The following NME7 variants were observed in gnomAD, a reference collection of about 807,000 sequenced individuals.
The protein encoded by NME7 is NME/NM23 family member 7.
NME7 carries 41 observed loss-of-function variants against 49.1 expected under a neutral mutation model. The ratio of observed to expected loss-of-function variants is 0.83; its 90% confidence interval spans 0.65 to 1.08. The LOEUF is 1.08. Ranked by LOEUF, NME7 falls within the 50% of genes least tolerant of loss-of-function variation. NME7 has a pLI of 0.00. For synonymous variants in NME7, 139 were observed against 150.6 expected (o/e 0.92, Z 0.56); for missense variants, 423 against 463.4 (o/e 0.91, Z 0.80).
intron 9 of NME7, among the ~76,000 whole-genome samples, chr1:169,232,912 CTTTTTTTTTTTTTT>C (rs10545228): frequency 2.7e-5 from 2 of 74,536 alleles, no homozygotes; most frequent in South Asian, 5.7e-4. Flanking sequence ...GTTTTCTTTT[CTTTTTTTTTTTTTT>C]TTTTTTTTTT....
intron 10 of NME7, among the ~76,000 whole-genome samples, chr1:169,215,471 A>T (rs756734432): frequency 1.3e-5 from 2 of 152,204 alleles, no homozygotes; most frequent in Non-Finnish European, 1.5e-5. Flanking sequence ...GTGAGGCTTC[A>T]CCAGGGACTC....
intron 1 of NME7, among the ~76,000 whole-genome samples, chr1:169,355,577 A>T (rs1346821978): frequency 6.6e-6 from 1 of 151,072 alleles, no homozygotes. Flanking sequence ...TGGTTACTAA[A>T]TAAACCAAGC....
chr1:169,248,278 C>T (rs1440584438), intron 7 of NME7, among the ~76,000 whole-genome samples: 4 of 151,696 alleles, frequency 2.6e-5, no homozygotes, highest in East Asian at 1.9e-4. Flanking sequence ...TTCTTATATC[C>T]TCTTTTGAGA....
intron 10 of NME7, among the ~76,000 whole-genome samples, chr1:169,226,838 A>G (rs1647360316): frequency 6.6e-6 from 1 of 152,210 alleles, no homozygotes; most frequent in Admixed American, 6.5e-5. Flanking sequence ...AATCAGTTCC[A>G]AATTTTAAAA....
intron 4 of NME7, among the ~76,000 whole-genome samples, chr1:169,306,122 CACA>C (rs1188907512): frequency 6.6e-6 from 1 of 152,086 alleles, no homozygotes; most frequent in Non-Finnish European, 1.5e-5. Context: ...TGTGATAAAG[CACA>C]ACATGTTCAG....
At chr1:169,181,528 T>C (rs1659932944) in intron 10 of NME7, among the ~76,000 whole-genome samples, 1 of 152,162 alleles carries the variant, frequency 6.6e-6, no homozygotes, top group Non-Finnish European at 1.5e-5. Flanking sequence ...ACTTCCTTCA[T>C]TATAATTACC....
rs1327577742 is a variant in NME7, at chr1:169,298,582, G to T, written c.622C>A (p.Pro208Thr). The T allele has an allele frequency of 6.2e-7, 1 of 1,613,680 alleles. No homozygotes were observed. Among genetic ancestry groups the T allele is most frequent in the African/African-American group, 1.3e-5 (1 of 74,864 alleles). Reference sequence around the variant, plus strand: ...CTGGCCGCAGAAGCAAAAGAATCAGGGCCATGCGCTGCATTTCTTATGCCA... The same window carrying T: ...CTGGCCGCAGAAGCAAAAGAATCAGTGCCATGCGCTGCATTTCTTATGCCA... Reference protein sequence around the residue: ...TDGIRNAAHGPDSFASAAREM... With the variant: ...TDGIRNAAHGTDSFASAAREM... Residue 208 changes from proline to threonine, a missense_variant, in exon 6 of 12, where the codon CCT (proline) becomes ACT (threonine). By Grantham distance (38) the Pro-to-Thr change is conservative. Coordinates refer to ENST00000367811, the MANE Select transcript of NME7 (RefSeq NM_013330.5).
intron 1 of NME7, among the ~76,000 whole-genome samples, chr1:169,339,970 C>A (rs990959777): frequency 1.6e-4 from 24 of 152,306 alleles, no homozygotes; most frequent in African/African-American, 5.8e-4. Context: ...TCTGGTAGTT[C>A]TCTCCATTTT....
chr1:169,243,434 G>A (rs906073541), intron 7 of NME7, among the ~76,000 whole-genome samples: 14 of 152,168 alleles, frequency 9.2e-5, no homozygotes, highest in African/African-American at 3.4e-4. Context: ...CATGGTGTAA[G>A]CTAGTCACAT....
intron 10 of NME7, among the ~76,000 whole-genome samples, chr1:169,176,602 A>G (rs1487630956): frequency 1.2e-4 from 19 of 152,140 alleles, no homozygotes; most frequent in Non-Finnish European, 1.5e-5. Flanking sequence ...AATAGACCAC[A>G]TGGCATCGTA....
intron 5 of NME7, among the ~76,000 whole-genome samples, chr1:169,301,671 G>A (rs991536261): frequency 1.3e-5 from 2 of 151,940 alleles, no homozygotes; most frequent in Non-Finnish European, 2.9e-5. Flanking sequence ...AATAACTCAA[G>A]TGCCCATCAG....
At chr1:169,313,207 G>GGA (rs1483199981) in intron 3 of NME7, among the ~76,000 whole-genome samples, 2 of 126,164 alleles carry the variant, frequency 1.6e-5, no homozygotes, top group Non-Finnish European at 3.4e-5. Context: ...GGACAAAAGT[G>GGA]AAAAAAAAAA....
chr1:169,247,193 T>C (rs939522452), intron 7 of NME7: 15 of 405,406 alleles, frequency 3.7e-5, no homozygotes, highest in African/African-American at 3.1e-4. Context: ...GTAGATAGGC[T>C]GGAAACTGAA....
intron 10 of NME7, among the ~76,000 whole-genome samples, chr1:169,174,825 A>T (rs1659705681): frequency 6.6e-6 from 1 of 152,234 alleles, no homozygotes; most frequent in Non-Finnish European, 1.5e-5. Context: ...GCTCTAGGTG[A>T]GTCCGTGAGT....
chr1:169,167,376 G>C (rs1463860930), intron 11 of NME7, among the ~76,000 whole-genome samples: 1 of 151,776 alleles, frequency 6.6e-6, no homozygotes, highest in Non-Finnish European at 1.5e-5. Flanking sequence ...TAATAGATTT[G>C]ATCACATAAA....
chr1:169,243,907 A>G (rs1378550547), intron 7 of NME7, among the ~76,000 whole-genome samples: 17 of 152,202 alleles, frequency 1.1e-4, no homozygotes, highest in Non-Finnish European at 2.9e-5. Flanking sequence ...ATATGCCTTA[A>G]TAACTAGTAA....
chr1:169,197,668 A>G (rs1660427005), intron 10 of NME7, among the ~76,000 whole-genome samples: 1 of 152,108 alleles, frequency 6.6e-6, no homozygotes, highest in Admixed American at 6.6e-5. Context: ...TGTGCAAAAA[A>G]ATGAAGTTCA....
intron 3 of NME7, among the ~76,000 whole-genome samples, chr1:169,313,873 T>C (rs1273162541): frequency 6.6e-6 from 1 of 151,852 alleles, no homozygotes; most frequent in East Asian, 1.9e-4. Flanking sequence ...AGCTACAAAA[T>C]GGAATAAGCA....
chr1:169,234,924 GT>G (rs1368959799), intron 9 of NME7, among the ~76,000 whole-genome samples: 5 of 152,072 alleles, frequency 3.3e-5, no homozygotes, highest in African/African-American at 1.2e-4. Flanking sequence ...AAATTAGCCT[GT>G]TTGGGAAATT....
Sources: allele counts gnomAD v4.1 joint callset (sites outside exome capture counted in the v4.1 genomes callset), GRCh38; gene constraint gnomAD v4.1.1; transcripts MANE v1.5; gene names NCBI Gene and HGNC (gene_info 2026-07-23, HGNC 2026-07-21).